The following STOX2 variants were observed in gnomAD, a reference collection of about 807,000 sequenced individuals.
STOX2 encodes storkhead-box protein 2.
STOX2 carries 28 observed loss-of-function variants against 60.9 expected under a neutral mutation model. That is an observed-to-expected ratio of 0.46 (90% CI 0.34 to 0.63). STOX2 has a LOEUF of 0.63. Among genes scored for constraint, STOX2 ranks in the 30% least tolerant of loss-of-function variants. STOX2 has a pLI of 0.01. For missense variants in STOX2, 1,024 were observed against 1,187.7 expected (o/e 0.86, Z 2.03); for synonymous variants, 472 against 463.9 (o/e 1.02, Z -0.22).
At chr4:183,928,785 G>A (rs751715609) in intron 1 of STOX2, among the ~76,000 whole-genome samples, 9 of 151,534 alleles carry the variant, frequency 5.9e-5, no homozygotes, top group Non-Finnish European at 1.2e-4. Context: ...CCAGCCTGGC[G>A]ACAGAGCGAG....
intron 1 of STOX2, among the ~76,000 whole-genome samples, chr4:183,822,519 C>T (rs1444367546): frequency 6.6e-6 from 1 of 152,232 alleles, no homozygotes; most frequent in Non-Finnish European, 1.5e-5. Context: ...GAGACAGTGA[C>T]AGATCATCAG....
chr4:183,915,755 C>T (rs12510573), intron 1 of STOX2, among the ~76,000 whole-genome samples: 15,641 of 152,216 alleles, frequency 0.1, 979 homozygotes, highest in Non-Finnish European at 0.14. Flanking sequence ...GGCCCAGGAC[C>T]GACAGCCACC....
intron 1 of STOX2, among the ~76,000 whole-genome samples, chr4:183,990,578 A>ATTTTTTTTTTTTTTTTTTT (rs57369052): frequency 1.2e-5 from 1 of 82,480 alleles, no homozygotes; most frequent in African/African-American, 6.2e-5. Flanking sequence ...AAAAAGCAGG[A>ATTTTTTTTTTTTTTTTTTT]TTTTTTTTTT....
At chr4:183,805,010 T>C (rs1174919119) in intron 1 of STOX2, among the ~76,000 whole-genome samples, 1 of 152,216 alleles carries the variant, frequency 6.6e-6, no homozygotes, top group Non-Finnish European at 1.5e-5. Context: ...ACTGAAACGG[T>C]GTCTGTGTCT....
At chr4:183,857,147 G>T (rs1052825393) in intron 1 of STOX2, among the ~76,000 whole-genome samples, 1 of 151,762 alleles carries the variant, frequency 6.6e-6, no homozygotes, top group Non-Finnish European at 1.5e-5. Context: ...TGGTTATCCC[G>T]CAGGACTGGT....
At chr4:183,884,485 A>T (rs1357615880) in intron 1 of STOX2, among the ~76,000 whole-genome samples, 1 of 152,176 alleles carries the variant, frequency 6.6e-6, no homozygotes. Context: ...TTTAAAAGGA[A>T]GAACAAATAA....
intron 1 of STOX2, among the ~76,000 whole-genome samples, chr4:183,855,444 G>A (rs910027982): frequency 6.6e-6 from 1 of 152,106 alleles, no homozygotes; most frequent in African/African-American, 2.4e-5. Flanking sequence ...CACTAAATGG[G>A]CCCCAGTGTC....
chr4:183,919,174 T>C (rs924963436), intron 1 of STOX2, among the ~76,000 whole-genome samples: 28 of 152,196 alleles, frequency 1.8e-4, no homozygotes, highest in Non-Finnish European at 2.9e-4. Flanking sequence ...TTTTTCCATA[T>C]GGTGTACGCT....
upstream of STOX2, among the ~76,000 whole-genome samples, chr4:183,901,895 C>T (rs1045714190): frequency 2.6e-5 from 4 of 152,152 alleles, no homozygotes; most frequent in African/African-American, 9.7e-5. Flanking sequence ...TGTCTTTTCT[C>T]TGTTGACAGT....
At chr4:183,976,368 A>G (rs1302756710) in intron 1 of STOX2, among the ~76,000 whole-genome samples, 1 of 152,222 alleles carries the variant, frequency 6.6e-6, no homozygotes, top group Non-Finnish European at 1.5e-5. Flanking sequence ...TTAACATACC[A>G]AAGAAGAAAA....
chr4:183,810,096 G>A (rs754564596), intron 1 of STOX2, among the ~76,000 whole-genome samples: 3 of 152,140 alleles, frequency 2.0e-5, no homozygotes, highest in Non-Finnish European at 4.4e-5. Flanking sequence ...TTTTGACCTT[G>A]TAACTACAGT....
intron 1 of STOX2, among the ~76,000 whole-genome samples, chr4:183,994,243 T>C (rs1253312525): frequency 6.6e-6 from 1 of 152,232 alleles, no homozygotes; most frequent in Non-Finnish European, 1.5e-5. Flanking sequence ...CATGTTTGAC[T>C]ATTTTTATGA....
intron 1 of STOX2, among the ~76,000 whole-genome samples, chr4:183,861,591 T>G (rs538014584): frequency 1.3e-5 from 2 of 152,276 alleles, no homozygotes; most frequent in South Asian, 4.1e-4. Flanking sequence ...GTTTTGCATC[T>G]TAGCTGTGTG....
At chr4:183,927,460 C>G (rs189880771) in intron 1 of STOX2, among the ~76,000 whole-genome samples, 6 of 150,856 alleles carry the variant, frequency 4.0e-5, no homozygotes, top group Admixed American at 2.6e-4. Flanking sequence ...CAAGAAGCAT[C>G]TTTGGGCCTC....
At chr4:183,934,379 C>T (rs1414219514) in intron 1 of STOX2, among the ~76,000 whole-genome samples, 2 of 152,136 alleles carry the variant, frequency 1.3e-5, no homozygotes, top group Admixed American at 6.6e-5. Context: ...GTCTCTCTAT[C>T]CTGAATGCCT....
intron 1 of STOX2, among the ~76,000 whole-genome samples, chr4:183,930,571 T>C (rs1212027969): frequency 6.6e-6 from 1 of 151,430 alleles, no homozygotes; most frequent in Non-Finnish European, 1.5e-5. Context: ...TTGCCCAGGC[T>C]AGTCTCCAAC....
chr4:183,814,694 G>A (rs183671990), intron 1 of STOX2, among the ~76,000 whole-genome samples: 11 of 152,300 alleles, frequency 7.2e-5, no homozygotes, highest in African/African-American at 1.7e-4. Flanking sequence ...AGCCTGGCAC[G>A]GTTTACACCA....
At chr4:183,949,130 G>T (rs1742991759) in intron 1 of STOX2, among the ~76,000 whole-genome samples, 1 of 152,012 alleles carries the variant, frequency 6.6e-6, no homozygotes, top group African/African-American at 2.4e-5. Context: ...TGGTATAATA[G>T]GTGGGGAAAG....
intron 1 of STOX2, among the ~76,000 whole-genome samples, chr4:183,802,217 C>A (rs1197646170): frequency 1.3e-5 from 2 of 152,216 alleles, no homozygotes; most frequent in African/African-American, 2.4e-5. Flanking sequence ...ACCAAATACA[C>A]TTTTTTAGAC....
Sources: gnomAD v4.1 joint callset for allele counts (sites outside exome capture counted in the v4.1 genomes callset) on GRCh38, gnomAD v4.1.1 for gene constraint, MANE v1.5 for transcripts, NCBI Gene and HGNC (gene_info 2026-07-23, HGNC 2026-07-21) for gene names.